The following DCAF10 variants were observed in gnomAD, a reference collection of about 807,000 sequenced individuals.
DCAF10 encodes DDB1 and CUL4 associated factor 10, also known as DDB1- and CUL4-associated factor 10.
Under a neutral mutation model 51.9 loss-of-function variants are expected in DCAF10, and 19 were observed. That is an observed-to-expected ratio of 0.37 (90% CI 0.26 to 0.54). The LOEUF is 0.54. Among genes scored for constraint, DCAF10 ranks in the 20% least tolerant of loss-of-function variants. The pLI, the probability that DCAF10 is intolerant of heterozygous loss-of-function variation, is 0.87. For missense variants in DCAF10, 510 were observed against 730.6 expected (o/e 0.70, Z 3.48); for synonymous variants, 291 against 297.1 (o/e 0.98, Z 0.21).
chr9:37,810,503 C>G (rs1312736468), intron 1 of DCAF10, among the ~76,000 whole-genome samples: 1 of 151,492 alleles, frequency 6.6e-6, no homozygotes, highest in Non-Finnish European at 1.5e-5. Flanking sequence ...CTGTTGTTGC[C>G]CAGGCTGGAG....
At chr9:37,822,934 C>G (rs563394715) in intron 2 of DCAF10, among the ~76,000 whole-genome samples, 2 of 152,152 alleles carry the variant, frequency 1.3e-5, no homozygotes, top group East Asian at 1.9e-4. Context: ...CACCACTGCT[C>G]TCAGCCTAGG....
intron 2 of DCAF10, among the ~76,000 whole-genome samples, chr9:37,828,334 T>C (rs1829913551): frequency 6.8e-6 from 1 of 147,312 alleles, no homozygotes; most frequent in African/African-American, 2.4e-5. Flanking sequence ...AAAACAAATA[T>C]AAGTCTGCCA....
intron 2 of DCAF10, among the ~76,000 whole-genome samples, chr9:37,820,531 A>C (rs1320678494): frequency 5.3e-5 from 8 of 152,226 alleles, no homozygotes; most frequent in Admixed American, 5.2e-4. Context: ...CGAGACTATA[A>C]GTTTTAGCTG....
At position 37,800,853 on chromosome 9, in the gene DCAF10, CG is replaced by C. The variant is rs1290157419; in HGVS notation, c.-9del. ...CGGGGCAGTGGCCCGGAGCGGGGGG[CG>C]GGGGCGTTGATCATGTTTCCCTTTG... On this transcript the variant is annotated 5_prime_UTR_variant, in exon 1 of 7. Transcript: ENST00000377724. 17 of 1,485,234 alleles carry C rather than the reference CG, an allele frequency of 1.1e-5. No individual in the cohort carries two copies. Among genetic ancestry groups the C allele is most frequent in the Admixed American group, 2.3e-5 (1 of 43,900 alleles). 92.0% of individuals were successfully genotyped at this position (1,485,234 alleles called of 1,614,324 possible). A position where few individuals can be genotyped will look rare whatever the true frequency, so the allele number is the denominator to read the frequency against.
At chr9:37,823,686 T>G (rs1352120643) in intron 2 of DCAF10, among the ~76,000 whole-genome samples, 1 of 152,098 alleles carries the variant, frequency 6.6e-6, no homozygotes, top group East Asian at 1.9e-4. Context: ...ATATGTAATT[T>G]TTAATTTTAT....
rs1469161034 is a variant in DCAF10, at chr9:37,824,543, G to T, written c.653+5142G>T. Among the ~76,000 whole-genome samples, 5 of 147,542 alleles carry T rather than the reference G, an allele frequency of 3.4e-5. No homozygotes were observed. In the East Asian group the frequency reaches 9.8e-4, roughly 29 times the overall value. The stretch of plus-strand genomic sequence containing the variant: ...ACTTAATCAGTTCAGTAAAAGGATA[G>T]TTTAAAAAAGTAAAAAAAAAAAATT... On this transcript the variant is annotated intron_variant, in intron 2 of 6. Coordinates refer to ENST00000377724, the MANE Select transcript of DCAF10 (RefSeq NM_024345.5).
intron 3 of DCAF10, among the ~76,000 whole-genome samples, chr9:37,854,433 G>A (rs777995174): frequency 7.2e-5 from 11 of 152,080 alleles, no homozygotes; most frequent in Non-Finnish European, 1.2e-4. Context: ...TTGACACATT[G>A]TAACTGCACA....
At chr9:37,814,114 A>G (rs1319565702) in intron 1 of DCAF10, among the ~76,000 whole-genome samples, 228 of 84,436 alleles carry the variant, frequency 2.7e-3, no homozygotes, top group African/African-American at 0.011. Flanking sequence ...ATATATATAT[A>G]TATATATATA....
chr9:37,814,351 T>C (rs946361360), intron 1 of DCAF10, among the ~76,000 whole-genome samples: 4 of 134,156 alleles, frequency 3.0e-5, no homozygotes, highest in African/African-American at 1.1e-4. Context: ...GGTTTCACCA[T>C]GTTGGCCAGC....
chr9:37,819,936 AG>A (rs1189206590), intron 2 of DCAF10, among the ~76,000 whole-genome samples: 2 of 152,260 alleles, frequency 1.3e-5, no homozygotes, highest in East Asian at 3.8e-4. Flanking sequence ...GAGACTACAT[AG>A]CAACATAGAC....
chr9:37,822,404 G>GATATATATATATATATATATAT (rs59549239), intron 2 of DCAF10, among the ~76,000 whole-genome samples: 15 of 124,614 alleles, frequency 1.2e-4, no homozygotes, highest in South Asian at 6.6e-4. Context: ...AAGAAACTGT[G>GATATATATATATATATATATAT]ATATATATAT....
At chr9:37,845,982 C>T (rs1830461374) in intron 3 of DCAF10, among the ~76,000 whole-genome samples, 1 of 151,788 alleles carries the variant, frequency 6.6e-6, no homozygotes, top group African/African-American at 2.4e-5. Context: ...TTAAACTGAT[C>T]AGATTATTGA....
chr9:37,850,047 A>T (rs949789073), intron 3 of DCAF10, among the ~76,000 whole-genome samples: 2 of 152,222 alleles, frequency 1.3e-5, no homozygotes, highest in South Asian at 2.1e-4. Flanking sequence ...CAAGAGATTG[A>T]CACCCTGTCT....
chr9:37,820,771 A>G (rs970437508), intron 2 of DCAF10, among the ~76,000 whole-genome samples: 1 of 152,236 alleles, frequency 6.6e-6, no homozygotes, highest in Non-Finnish European at 1.5e-5. Context: ...AAAGAAACCT[A>G]TAACCCAAAT....
At chr9:37,841,612 G>A (rs1417069119) in intron 2 of DCAF10, among the ~76,000 whole-genome samples, 1 of 152,118 alleles carries the variant, frequency 6.6e-6, no homozygotes, top group East Asian at 1.9e-4. Flanking sequence ...AGCAATTTTT[G>A]TATGTAACTG....
Position 37,866,058 on chromosome 9 carries a change from T to G in DCAF10, c.*4550T>G, listed in dbSNP as rs1271024288. On this transcript the variant is annotated 3_prime_UTR_variant, in exon 7 of 7. Coordinates refer to ENST00000377724, the MANE Select transcript of DCAF10 (RefSeq NM_024345.5). ...AGGACAAATAGTGTGATACTTATACTGATGACAATCATCCCCATTTAATGA... is the reference window on the plus strand; with the variant it reads ...AGGACAAATAGTGTGATACTTATACGGATGACAATCATCCCCATTTAATGA... The G allele has an allele frequency of 6.6e-6, 1 of 152,664 alleles. No individual in the cohort carries two copies. The highest frequency in any genetic ancestry group is 2.4e-5 in the African/African-American group (1 of 41,468). 9.5% of individuals were successfully genotyped at this position (152,664 alleles called of 1,614,324 possible).
chr9:37,855,596 G>GA lies in DCAF10; in HGVS notation c.1054+617dup, dbSNP rs1830823424. Among the ~76,000 whole-genome samples the GA allele has an allele frequency of 5.9e-5, 9 of 152,292 alleles. No individual in the cohort carries two copies. The South Asian group carries it at 1.9e-3, about 32-fold the overall frequency. On this transcript the variant is annotated intron_variant, in intron 4 of 6. Transcript: ENST00000377724. ...AAGACTATATTTCATCTACCTTTGG[G>GA]AAAGAGGGGACTGGTGTGGGGACAT...
chr9:37,821,104 T>TATATACAC (rs61079738), intron 2 of DCAF10, among the ~76,000 whole-genome samples: 12 of 132,306 alleles, frequency 9.1e-5, no homozygotes, highest in Non-Finnish European at 1.5e-4. Flanking sequence ...TATATATATA[T>TATATACAC]ACACACACAC....
At chr9:37,820,166 A>T (rs1029019302) in intron 2 of DCAF10, among the ~76,000 whole-genome samples, 1 of 152,238 alleles carries the variant, frequency 6.6e-6, no homozygotes, top group African/African-American at 2.4e-5. Context: ...TTACTAGTCA[A>T]CGTAACATAC....
Sources: gnomAD v4.1 joint callset for allele counts (sites outside exome capture counted in the v4.1 genomes callset) on GRCh38, gnomAD v4.1.1 for gene constraint, MANE v1.5 for transcripts, NCBI Gene and HGNC (gene_info 2026-07-23, HGNC 2026-07-21) for gene names.